Variants in NRXN3 observed in about 807,000 individuals in gnomAD.
NRXN3 encodes the protein neurexin III.
NRXN3 carries 32 observed loss-of-function variants against 137.6 expected under a neutral mutation model. The observed-to-expected ratio is 0.23, with a 90% CI of 0.18 to 0.31. The LOEUF (loss-of-function observed/expected upper bound fraction) is 0.31, where lower values mean the gene tolerates loss of function less well. NRXN3 is among the 10% of genes least tolerant of loss of function. The pLI is 1.00. For missense variants in NRXN3, 1,574 were observed against 2,062.5 expected, an observed-to-expected ratio of 0.76 and a Z score of 4.59; for synonymous variants, 798 against 784.5, an observed-to-expected ratio of 1.02 and a Z score of -0.29.
chr14:79,796,879 G>A (rs538315354), intron 19 of NRXN3, among the ~76,000 whole-genome samples: 6 of 152,220 alleles, frequency 3.9e-5, no homozygotes, highest in African/African-American at 1.4e-4. Context: ...AATAATTACT[G>A]TTGGGTGACG....
intron 4 of NRXN3, among the ~76,000 whole-genome samples, chr14:78,456,801 C>CTTTCTTTCT (rs1484889865): frequency 2.4e-5 from 2 of 84,138 alleles, no homozygotes; most frequent in African/African-American, 8.8e-5. Flanking sequence ...CTCTTTCTCT[C>CTTTCTTTCT]TTTCTTTCTT....
chr14:78,800,356 A>C (rs2098835043), intron 8 of NRXN3, among the ~76,000 whole-genome samples: 1 of 152,238 alleles, frequency 6.6e-6, no homozygotes, highest in African/African-American at 2.4e-5. Flanking sequence ...ATAAAGTCCT[A>C]GAAAGCACCA....
At chr14:79,671,834 C>G (rs1258799090) in intron 17 of NRXN3, among the ~76,000 whole-genome samples, 1 of 151,908 alleles carries the variant, frequency 6.6e-6, no homozygotes, top group African/African-American at 2.4e-5. Context: ...GGAGCTTGGA[C>G]TAATGCTAAA....
At chr14:79,817,300 G>C (rs1429543659) in intron 20 of NRXN3, among the ~76,000 whole-genome samples, 1 of 152,142 alleles carries the variant, frequency 6.6e-6, no homozygotes, top group African/African-American at 2.4e-5. Flanking sequence ...TGATCTGCCT[G>C]CCTTGGCCTC....
chr14:79,174,073 T>C (rs1308734201), intron 15 of NRXN3, among the ~76,000 whole-genome samples: 1 of 152,198 alleles, frequency 6.6e-6, no homozygotes, highest in Non-Finnish European at 1.5e-5. Context: ...AATCTGGGCA[T>C]ATTTGCAACT....
At chr14:78,976,983 C>T (rs1037143709) in intron 14 of NRXN3, among the ~76,000 whole-genome samples, 2 of 152,178 alleles carry the variant, frequency 1.3e-5, no homozygotes, top group Admixed American at 6.6e-5. Flanking sequence ...ATACTGTTGT[C>T]TGTTTCATAG....
chr14:79,848,886 T>C (rs2099386075), intron 20 of NRXN3, among the ~76,000 whole-genome samples: 1 of 152,168 alleles, frequency 6.6e-6, no homozygotes, highest in African/African-American at 2.4e-5. Context: ...TATTCAACCT[T>C]TCCACTTTGA....
chr14:78,746,680 A>G (rs1389405918), intron 8 of NRXN3, among the ~76,000 whole-genome samples: 1 of 152,214 alleles, frequency 6.6e-6, no homozygotes, highest in Non-Finnish European at 1.5e-5. Context: ...GACTTTCTGT[A>G]GGAGAGATGC....
chr14:79,236,105 A>C (rs1318281974), intron 15 of NRXN3, among the ~76,000 whole-genome samples: 1 of 152,160 alleles, frequency 6.6e-6, no homozygotes, highest in Non-Finnish European at 1.5e-5. Flanking sequence ...ATATTTTCTC[A>C]CAATGCCATG....
rs1214624621 is a variant in NRXN3 at position 79,601,681 on chromosome 14, G to A, written c.3445-62097G>A. Among the ~76,000 whole-genome samples, 4 of 152,054 alleles carry A rather than the reference G, an allele frequency of 2.6e-5. 1 individual carries two copies. Among genetic ancestry groups the A allele is most frequent in the Admixed American group, 2.6e-4 (4 of 15,270 alleles). ...GCAGATCTAGACATCATATCGCCACGGTCTTCATTCTGAAGTAACCTTAGA... is the reference window on the plus strand; with the variant it reads ...GCAGATCTAGACATCATATCGCCACAGTCTTCATTCTGAAGTAACCTTAGA... On this transcript the variant is annotated intron_variant, in intron 16 of 20. Coordinates refer to ENST00000335750, the MANE Select transcript of NRXN3 (RefSeq NM_001330195.2).
intron 19 of NRXN3, among the ~76,000 whole-genome samples, chr14:79,777,977 G>T (rs2099102419): frequency 6.6e-6 from 1 of 151,070 alleles, no homozygotes; most frequent in Admixed American, 6.6e-5. Flanking sequence ...CCATATCCCA[G>T]ATCTAGGCTT....
intron 20 of NRXN3, among the ~76,000 whole-genome samples, chr14:79,827,908 C>T (rs2099310240): frequency 6.6e-6 from 1 of 152,024 alleles, no homozygotes; most frequent in African/African-American, 2.4e-5. Flanking sequence ...GTTGGACAGG[C>T]TGGTCTCAAA....
intron 4 of NRXN3, among the ~76,000 whole-genome samples, chr14:78,506,625 A>G (rs951954495): frequency 2.6e-4 from 36 of 139,230 alleles, no homozygotes; most frequent in African/African-American, 9.4e-4. Flanking sequence ...GTGAGGTAAT[A>G]TCTCATATCT....
At position 78,882,728 on chromosome 14, in the gene NRXN3, T is replaced by C. The variant is rs1390758290; in HGVS notation, c.2275+72384T>C. Among the ~76,000 whole-genome samples, 4 of 151,682 alleles carry C rather than the reference T, an allele frequency of 2.6e-5. 1 individual carries two copies. The highest frequency in any genetic ancestry group is 2.0e-4 in the Admixed American group (3 of 15,258). ...CTCGGATGAGACTTTGGACTTGGAC[T>C]TTTGAGTTAATGCTGGAATAAGTTA... On this transcript the variant is annotated intron_variant, in intron 10 of 20. Coordinates refer to ENST00000335750, the MANE Select transcript of NRXN3 (RefSeq NM_001330195.2).
intron 4 of NRXN3, among the ~76,000 whole-genome samples, chr14:78,460,834 T>G (rs929785381): frequency 2.0e-5 from 3 of 152,112 alleles, no homozygotes. Context: ...TTTGATTCTT[T>G]GGGCCTCTGA....
chr14:79,186,643 G>C (rs1437719398), intron 15 of NRXN3, among the ~76,000 whole-genome samples: 6 of 152,250 alleles, frequency 3.9e-5, no homozygotes, highest in African/African-American at 1.4e-4. Context: ...CACTTGGGTG[G>C]TAGTTACATT....
chr14:78,310,397 T>C (rs10130215), intron 4 of NRXN3, among the ~76,000 whole-genome samples: 18,750 of 151,916 alleles, frequency 0.12, 1,273 homozygotes, highest in South Asian at 0.17. Flanking sequence ...CTGAGGACTT[T>C]GTCCTATTTA....
At chr14:78,582,164 C>T (rs2097006540) in intron 4 of NRXN3, among the ~76,000 whole-genome samples, 1 of 152,192 alleles carries the variant, frequency 6.6e-6, no homozygotes, top group Admixed American at 6.5e-5. Flanking sequence ...GAGAGAGCTA[C>T]TTCATGATGT....
intron 16 of NRXN3, among the ~76,000 whole-genome samples, chr14:79,577,693 G>A (rs1308395480): frequency 6.6e-6 from 1 of 152,180 alleles, no homozygotes; most frequent in Admixed American, 6.5e-5. Context: ...ATTTATCTAT[G>A]TGTCTTCAGA....
Sources: allele counts gnomAD v4.1 joint callset (sites outside exome capture counted in the v4.1 genomes callset), GRCh38; gene constraint gnomAD v4.1.1; transcripts MANE v1.5; gene names NCBI Gene and HGNC (gene_info 2026-07-23, HGNC 2026-07-21).